SLC2A13: variants seen among roughly 807,000 people sequenced by gnomAD.
SLC2A13 encodes the protein solute carrier family 2 member 13.
In SLC2A13, 32 loss-of-function variants were observed where a neutral mutation model predicts 64.4. The observed-to-expected ratio is 0.50, with a 90% CI of 0.37 to 0.67. SLC2A13 has a LOEUF of 0.67. Ranked by LOEUF, SLC2A13 falls within the 30% of genes least tolerant of loss-of-function variation. The pLI is 0.00. For synonymous variants in SLC2A13, 338 were observed against 327.1 expected (o/e 1.03, Z -0.36); for missense variants, 743 against 829.2 (o/e 0.90, Z 1.28).
At chr12:39,782,018 A>G (rs1238074978) in intron 7 of SLC2A13, among the ~76,000 whole-genome samples, 2 of 152,192 alleles carry the variant, frequency 1.3e-5, no homozygotes, top group Non-Finnish European at 2.9e-5. Flanking sequence ...TCTAGGCTCT[A>G]TCTTGGATTC....
intron 4 of SLC2A13, among the ~76,000 whole-genome samples, chr12:39,912,893 A>C (rs1945454082): frequency 6.6e-6 from 1 of 152,086 alleles, no homozygotes; most frequent in South Asian, 2.1e-4. Context: ...CCGTTGAACA[A>C]ATGAGTAAAG....
chr12:39,956,440 T>C (rs1384957617), intron 3 of SLC2A13, among the ~76,000 whole-genome samples: 1 of 152,166 alleles, frequency 6.6e-6, no homozygotes, highest in Non-Finnish European at 1.5e-5. Flanking sequence ...ATGCTTTTTA[T>C]TGTATGTAAA....
chr12:40,029,330 C>G (rs1421640745), intron 2 of SLC2A13, among the ~76,000 whole-genome samples: 2 of 152,120 alleles, frequency 1.3e-5, no homozygotes, highest in Admixed American at 6.5e-5. Flanking sequence ...ACCAAAGGGG[C>G]TGAATTAGAT....
intron 3 of SLC2A13, among the ~76,000 whole-genome samples, chr12:40,027,260 T>G (rs1277358042): frequency 6.6e-6 from 1 of 152,178 alleles, no homozygotes; most frequent in African/African-American, 2.4e-5. Context: ...TTTGCACTAA[T>G]ATGTTACTCT....
intron 4 of SLC2A13, among the ~76,000 whole-genome samples, chr12:39,936,861 T>C (rs1945926167): frequency 6.6e-6 from 1 of 152,124 alleles, no homozygotes; most frequent in Non-Finnish European, 1.5e-5. Context: ...AAAGTAGAAA[T>C]GTCCAGCAGT....
intron 4 of SLC2A13, chr12:39,950,914 G>A (rs1403160254): frequency 3.2e-6 from 1 of 309,650 alleles, no homozygotes; most frequent in East Asian, 5.5e-5. Context: ...GGCAATGCCA[G>A]GTGATTTCCT....
intron 6 of SLC2A13, among the ~76,000 whole-genome samples, chr12:39,839,029 C>G (rs901975293): frequency 1.3e-5 from 2 of 152,030 alleles, no homozygotes; most frequent in African/African-American, 2.4e-5. Context: ...TGTGCTCACT[C>G]ACTCCTTCTT....
intron 1 of SLC2A13, among the ~76,000 whole-genome samples, chr12:40,058,389 G>C (rs1948367264): frequency 6.6e-6 from 1 of 151,930 alleles, no homozygotes. Flanking sequence ...TTTTAAATTA[G>C]AAAATAGAAA....
chr12:39,899,594 T>C (rs1352411066), intron 4 of SLC2A13, among the ~76,000 whole-genome samples: 18 of 152,206 alleles, frequency 1.2e-4, no homozygotes, highest in Admixed American at 5.9e-4. Flanking sequence ...TTTGGATCTT[T>C]CCTGCTTTCT....
intron 7 of SLC2A13, among the ~76,000 whole-genome samples, chr12:39,797,764 A>G (rs1941630477): frequency 6.6e-6 from 1 of 152,108 alleles, no homozygotes; most frequent in South Asian, 2.1e-4. Flanking sequence ...ACACACACAC[A>G]CACACACACA....
At chr12:40,043,116 A>G (rs1164821146) in intron 2 of SLC2A13, among the ~76,000 whole-genome samples, 3 of 151,378 alleles carry the variant, frequency 2.0e-5, no homozygotes, top group Admixed American at 2.0e-4. Flanking sequence ...AAAGAATTTA[A>G]TTTTTTTTTC....
At position 39,786,074 on chromosome 12, in the gene SLC2A13, G is replaced by A. The variant is rs150648719; in HGVS notation, c.1446-21216C>T. 3.4e-3 allele frequency among the ~76,000 whole-genome samples: 523 copies of A among 152,180 alleles called. 7 individuals are homozygous for A. The highest frequency in any genetic ancestry group is 0.012 in the African/African-American group (509 of 41,490). On this transcript the variant is annotated intron_variant, in intron 7 of 9. Transcript: ENST00000280871. ...TAAGAATTTGCAGGACTGTTGGGAA[G>A]GCATGATTAGTTTTGAAATGTGAGG... is the stretch of plus-strand genomic sequence containing the variant.
At chr12:39,938,390 T>C (rs1459703183) in intron 4 of SLC2A13, among the ~76,000 whole-genome samples, 4 of 139,606 alleles carry the variant, frequency 2.9e-5, no homozygotes, top group Admixed American at 2.8e-4. Flanking sequence ...AATAACTCCA[T>C]TTAAAGAAAC....
chr12:39,932,620 G>A (rs1434111428), intron 4 of SLC2A13, among the ~76,000 whole-genome samples: 6 of 152,184 alleles, frequency 3.9e-5, no homozygotes, highest in Middle Eastern at 6.8e-3. Flanking sequence ...TAAACATGAC[G>A]GGAAAAAATG....
chr12:39,795,502 T>C (rs915886292), intron 7 of SLC2A13, among the ~76,000 whole-genome samples: 1 of 152,230 alleles, frequency 6.6e-6, no homozygotes, highest in African/African-American at 2.4e-5. Flanking sequence ...GTCCAGCTGA[T>C]GACTGGGTGT....
chr12:39,795,100 A>G (rs1941531641), intron 7 of SLC2A13, among the ~76,000 whole-genome samples: 1 of 152,060 alleles, frequency 6.6e-6, no homozygotes, highest in Non-Finnish European at 1.5e-5. Context: ...ACATTTAAAT[A>G]TTGCCTCTTC....
intron 3 of SLC2A13, among the ~76,000 whole-genome samples, chr12:39,993,589 A>G (rs1312726013): frequency 4.6e-5 from 7 of 152,266 alleles, no homozygotes; most frequent in East Asian, 1.9e-4. Context: ...ACTGTTGTCA[A>G]CATTAGAAGA....
intron 4 of SLC2A13, among the ~76,000 whole-genome samples, chr12:39,910,572 T>G (rs7133667): frequency 0.98 from 149,304 of 152,082 alleles, 73,370 homozygotes; most frequent in Middle Eastern, 1. Context: ...TTGCATTCCA[T>G]CTGTTATGGC....
At chr12:39,780,522 T>C (rs1383007761) in intron 7 of SLC2A13, among the ~76,000 whole-genome samples, 1 of 152,206 alleles carries the variant, frequency 6.6e-6, no homozygotes, top group African/African-American at 2.4e-5. Context: ...AAGCAGCATC[T>C]TGGCAGGTCT....
Sources: allele counts gnomAD v4.1 joint callset (sites outside exome capture counted in the v4.1 genomes callset), GRCh38; gene constraint gnomAD v4.1.1; transcripts MANE v1.5; gene names NCBI Gene and HGNC (gene_info 2026-07-23, HGNC 2026-07-21).